Variants in C2CD5 observed in about 807,000 individuals in gnomAD.
C2CD5 encodes C2 domain-containing protein 5.
A neutral mutation model predicts 130.3 loss-of-function variants in C2CD5; 109 were observed. The ratio of observed to expected loss-of-function variants is 0.84; its 90% CI spans 0.72 to 0.98. The LOEUF (loss-of-function observed/expected upper bound fraction) is 0.98, where lower values mean the gene tolerates loss of function less well. Among genes scored for constraint, C2CD5 ranks in the 50% least tolerant of loss-of-function variants. C2CD5 has a pLI of 0.00. For synonymous variants in C2CD5, 454 were observed against 429.2 expected, an observed-to-expected ratio of 1.06 and a Z score of -0.71; for missense variants, 996 against 1,261.8, an observed-to-expected ratio of 0.79 and a Z score of 3.19.
intron 25 of C2CD5, 34 bp downstream of exon 25, chr12:22,456,937 T>A (rs748041637): frequency 2.0e-5 from 28 of 1,401,022 alleles, no homozygotes; most frequent in Non-Finnish European, 2.6e-5. Flanking sequence ...CAGAGAAAAT[T>A]TTTTAAAAAA....
At position 22,478,314 on chromosome 12, in the gene C2CD5, G is replaced by A. The variant is rs748716039; in HGVS notation, c.1901C>T (p.Pro634Leu). Residue 634 changes from proline (P) to leucine (L), a missense_variant and splice_region_variant, in exon 15 of 27, where the codon CCA becomes CTA. Physicochemically the swap from Pro to Leu is moderately conservative, Grantham distance 98. Coordinates refer to ENST00000446597, the MANE Select transcript of C2CD5 (RefSeq NM_001286176.2). ...KNKELYEINP[P>L]EISEEIIGSP... ...ACAATGTAGGTTTGTTTTACTTACTGGAGGATTGATTTCATATAACTCTTT... is the reference window on the plus strand; with the variant it reads ...ACAATGTAGGTTTGTTTTACTTACTAGAGGATTGATTTCATATAACTCTTT... The A allele has an allele frequency of 3.1e-6, 5 of 1,606,728 alleles. No homozygotes were observed. In the African/African-American group the frequency reaches 4.0e-5, roughly 13 times the overall value.
At chr12:22,454,506 C>G (rs916077896) in intron 25 of C2CD5, among the ~76,000 whole-genome samples, 4 of 151,898 alleles carry the variant, frequency 2.6e-5, no homozygotes, top group African/African-American at 9.7e-5. Context: ...TTCAGTTTCT[C>G]AAATGCACAA....
At chr12:22,506,103 G>C (rs931474637) in intron 10 of C2CD5, among the ~76,000 whole-genome samples, 1 of 152,110 alleles carries the variant, frequency 6.6e-6, no homozygotes, top group African/African-American at 2.4e-5. Context: ...AGCCTGCTCA[G>C]CAAGAGGGTC....
In C2CD5 at chr12:22,474,801, C is replaced by T. The variant is rs566820306; in HGVS notation, c.1993G>A (p.Val665Ile). The T allele has an allele frequency of 3.1e-6, 5 of 1,610,898 alleles. No homozygotes were observed. The highest frequency in any genetic ancestry group is 4.5e-5 in the East Asian group (2 of 44,704). The part of the protein sequence containing the change: ...LRSQSESSDE[V>I]TELDLSHGKK... ...CCATGTGAAAGGTCTAATTCTGTAA[C>T]TTCATCCGAGCTTTCTGATTGAGAT... The change falls in exon 16 of 27, where the codon GTT becomes ATT. Residue 665 changes from valine (V) to isoleucine (I), a missense_variant. This residue lies in a region of C2CD5 where 590 missense variants were observed against 631.4 expected (regional missense o/e 0.93). Transcript: ENST00000446597.
At position 22,505,250 on chromosome 12, in the gene C2CD5, CTTTCTTTTT is replaced by C. The variant is rs1391226944; in HGVS notation, c.1147+1452_1147+1460del. 3.1e-3 allele frequency among the ~76,000 whole-genome samples: 432 copies of C among 138,750 alleles called. 5 individuals carry two copies. The highest frequency in any genetic ancestry group is 0.012 in the African/African-American group (422 of 34,468). The allele number at this position is 138,750 out of a possible 152,430, so 91.0% of individuals were successfully genotyped here. A position where few individuals can be genotyped will look rare whatever the true frequency, so the allele number is the denominator to read the frequency against. ...CTTCAAAGCATTTTTACCCTTCTTTCTTTCTTTTTTTTTTTTTTTTTTTTGAGACAGAGT... is the reference window on the plus strand; with the variant it reads ...CTTCAAAGCATTTTTACCCTTCTTTCTTTTTTTTTTTTTTTGAGACAGAGT... On this transcript the variant is annotated intron_variant, in intron 10 of 26. Transcript: ENST00000446597.
intron 14 of C2CD5, 139 bp downstream of exon 14, chr12:22,482,418 T>C (rs1944867628): frequency 3.1e-6 from 2 of 635,492 alleles, no homozygotes; most frequent in African/African-American, 1.9e-5. Context: ...TTTTCACTTC[T>C]TAAAATGTCC....
intron 3 of C2CD5, among the ~76,000 whole-genome samples, chr12:22,533,203 G>A (rs972522798): frequency 3.3e-5 from 5 of 152,168 alleles, no homozygotes; most frequent in Non-Finnish European, 7.3e-5. Flanking sequence ...AGATGGAGGT[G>A]TGGTGGTCTG....
intron 12 of C2CD5, among the ~76,000 whole-genome samples, chr12:22,489,226 G>A (rs1946019955): frequency 6.6e-6 from 1 of 151,692 alleles, no homozygotes; most frequent in Admixed American, 6.6e-5. Flanking sequence ...GGGGAGGGGG[G>A]AAGTAAATAG....
At chr12:22,527,424 T>G (rs1950827200) in intron 4 of C2CD5, among the ~76,000 whole-genome samples, 1 of 151,134 alleles carries the variant, frequency 6.6e-6, no homozygotes, top group Non-Finnish European at 1.5e-5. Context: ...GTTCAAGTGA[T>G]TCTCCTGCCT....
At chr12:22,498,538 C>T (rs1446954387) in intron 10 of C2CD5, among the ~76,000 whole-genome samples, 1 of 152,138 alleles carries the variant, frequency 6.6e-6, no homozygotes, top group Non-Finnish European at 1.5e-5. Context: ...TAACTACTCA[C>T]TTTTGCTCCT....
chr12:22,499,482 C>G (rs1400330872), intron 10 of C2CD5, among the ~76,000 whole-genome samples: 1 of 152,150 alleles, frequency 6.6e-6, no homozygotes, highest in African/African-American at 2.4e-5. Flanking sequence ...ATTAAATGGT[C>G]TACTATTATA....
intron 12 of C2CD5, among the ~76,000 whole-genome samples, chr12:22,485,102 C>G (rs1317712306): frequency 6.6e-6 from 1 of 151,926 alleles, no homozygotes; most frequent in African/African-American, 2.4e-5. Flanking sequence ...AAAGACTTAC[C>G]AATTGCAAAG....
At chr12:22,519,100 T>C (rs1321014891) in intron 7 of C2CD5, 1 of 1,531,446 alleles carries the variant, frequency 6.5e-7, no homozygotes. Context: ...CTCTGGAGTC[T>C]GAGCAGTCTC....
chr12:22,512,075 T>A (rs1184104282), intron 9 of C2CD5, among the ~76,000 whole-genome samples: 3 of 152,190 alleles, frequency 2.0e-5, no homozygotes, highest in Admixed American at 1.3e-4. Flanking sequence ...TAGGTTTGCC[T>A]GCAAGGTGCG....
At chr12:22,485,533 A>T (rs1945374032) in intron 12 of C2CD5, among the ~76,000 whole-genome samples, 1 of 152,140 alleles carries the variant, frequency 6.6e-6, no homozygotes, top group Non-Finnish European at 1.5e-5. Context: ...AAAAGTATTA[A>T]AAAAGAAAAA....
chr12:22,467,920 G>A (rs1942359601), intron 22 of C2CD5, among the ~76,000 whole-genome samples: 1 of 152,128 alleles, frequency 6.6e-6, no homozygotes, highest in African/African-American at 2.4e-5. Flanking sequence ...TATAGACAAG[G>A]CAAACTTAGA....
rs199558123 is a variant in C2CD5 at position 22,470,161 on chromosome 12, T to C, written c.2447-366A>G. On this transcript the variant is annotated intron_variant, in intron 21 of 26. Transcript: ENST00000446597. ...CTTCTTTGATAAATATCTGAACACA[T>C]AATCATTTAATACATCTACCTGACA... 5.9e-5 allele frequency among the ~76,000 whole-genome samples: 9 copies of C among 152,238 alleles called. No individual in the cohort carries two copies. The East Asian group carries it at 1.2e-3, about 20-fold the overall frequency.
intron 3 of C2CD5, among the ~76,000 whole-genome samples, chr12:22,531,969 C>T (rs926426867): frequency 2.0e-5 from 3 of 152,160 alleles, no homozygotes; most frequent in Admixed American, 6.5e-5. Flanking sequence ...AGAAGATATA[C>T]CCCAAAATGC....
intron 25 of C2CD5, 123 bp downstream of exon 25, chr12:22,456,848 A>T: frequency 1.7e-6 from 1 of 581,508 alleles, no homozygotes; most frequent in Non-Finnish European, 3.0e-6. Context: ...CTCAATCCAG[A>T]TAATTAAAAT....
Sources: gnomAD v4.1 joint callset for allele counts (sites outside exome capture counted in the v4.1 genomes callset) on GRCh38, gnomAD v4.1.1 for gene constraint, gnomAD v4.1.1 regional missense constraint, MANE v1.5 for transcripts, NCBI Gene and HGNC (gene_info 2026-07-23, HGNC 2026-07-21) for gene names.